Variants in MYT1L observed in about 807,000 individuals in gnomAD.
MYT1L encodes myelin transcription factor 1-like protein.
In MYT1L, 12 loss-of-function variants were observed where a neutral mutation model predicts 126.7. The ratio of observed to expected loss-of-function variants is 0.09; its 90% CI spans 0.06 to 0.15. MYT1L has a LOEUF of 0.15. Among genes scored for constraint, MYT1L ranks in the 10% least tolerant of loss-of-function variants. MYT1L has a pLI of 1.00. For synonymous variants in MYT1L, 541 were observed against 604.2 expected (o/e 0.90, Z 1.53); for missense variants, 979 against 1,585.2 (o/e 0.62, Z 6.49).
intron 13 of MYT1L, among the ~76,000 whole-genome samples, chr2:1,904,688 CG>C: frequency 6.6e-6 from 1 of 151,810 alleles, no homozygotes; most frequent in Non-Finnish European, 1.5e-5. Flanking sequence ...CACTGTTAAT[CG>C]TAACATCCTA....
chr2:2,275,648 C>T (rs1233177851), intron 2 of MYT1L, among the ~76,000 whole-genome samples: 1 of 152,176 alleles, frequency 6.6e-6, no homozygotes, highest in Non-Finnish European at 1.5e-5. Context: ...TTCTCTACCT[C>T]GTCCATGGAA....
intron 2 of MYT1L, among the ~76,000 whole-genome samples, chr2:2,260,680 T>C (rs2094941989): frequency 6.6e-6 from 1 of 152,168 alleles, no homozygotes; most frequent in Non-Finnish European, 1.5e-5. Context: ...TATATTATAC[T>C]GAGACTCTGC....
intron 18 of MYT1L, among the ~76,000 whole-genome samples, chr2:1,877,425 A>G (rs755635481): frequency 6.6e-6 from 1 of 152,056 alleles, no homozygotes; most frequent in Non-Finnish European, 1.5e-5. Context: ...TTCTTTCTCA[A>G]TTTTTTGAGC....
intron 1 of MYT1L, chr2:2,324,681 C>A (rs2096222620): frequency 6.5e-6 from 1 of 152,732 alleles, no homozygotes; most frequent in Non-Finnish European, 1.5e-5. Context: ...GCTGCGAGTC[C>A]CGCCTGTGCT....
chr2:2,193,348 ACAC>A (rs2092675462), intron 2 of MYT1L, among the ~76,000 whole-genome samples: 1 of 152,104 alleles, frequency 6.6e-6, no homozygotes, highest in Non-Finnish European at 1.5e-5. Context: ...AATGAAAACA[ACAC>A]TTTTGTCAAA....
At chr2:2,161,149 G>A (rs1426464962) in intron 3 of MYT1L, among the ~76,000 whole-genome samples, 7 of 152,098 alleles carry the variant, frequency 4.6e-5, no homozygotes, top group Non-Finnish European at 1.0e-4. Context: ...GGAGGCAGAG[G>A]TTGCAGTGAG....
At chr2:1,936,203 G>A (rs144414105) in intron 9 of MYT1L, among the ~76,000 whole-genome samples, 62 of 152,230 alleles carry the variant, frequency 4.1e-4, no homozygotes, top group African/African-American at 1.1e-3. Flanking sequence ...GATTACAGGC[G>A]TGAGCCACCA....
chr2:2,103,942 T>G (rs2078426252), intron 3 of MYT1L, among the ~76,000 whole-genome samples: 1 of 152,208 alleles, frequency 6.6e-6, no homozygotes, highest in Non-Finnish European at 1.5e-5. Flanking sequence ...CTCAGCCCTC[T>G]CAGGAGCTGA....
intron 3 of MYT1L, among the ~76,000 whole-genome samples, chr2:2,078,860 T>C (rs2075506154): frequency 6.6e-6 from 1 of 152,220 alleles, no homozygotes; most frequent in Admixed American, 6.5e-5. Flanking sequence ...AATTCTATGA[T>C]TTAAACGTTT....
In MYT1L at chr2:2,094,073, A is replaced by G. The variant is rs574981075; in HGVS notation, c.-303-39950T>C. ...ATATCTCTATTTCAGTACTAGTACC[A>G]TACTGTTTTGGTTACTGTAGCCTTG... On this transcript the variant is annotated intron_variant, in intron 3 of 24. Transcript: ENST00000647738. Among the ~76,000 whole-genome samples, 5 of 152,308 alleles carry G rather than the reference A, an allele frequency of 3.3e-5. No individual in the cohort carries two copies. The East Asian group carries it at 9.7e-4, about 29-fold the overall frequency.
intron 4 of MYT1L, among the ~76,000 whole-genome samples, chr2:2,032,197 C>T (rs1460972368): frequency 4.0e-5 from 3 of 75,634 alleles, no homozygotes; most frequent in Non-Finnish European, 4.9e-5. Context: ...TGGCCCAGAG[C>T]AGATTCTAGA....
At chr2:2,252,982 T>G (rs1349572366) in intron 2 of MYT1L, among the ~76,000 whole-genome samples, 2 of 152,060 alleles carry the variant, frequency 1.3e-5, no homozygotes, top group African/African-American at 4.8e-5. Flanking sequence ...TTTAAAAAAA[T>G]AAACCAAATT....
At chr2:1,897,424 C>T (rs373188085) in intron 14 of MYT1L, among the ~76,000 whole-genome samples, 15 of 151,672 alleles carry the variant, frequency 9.9e-5, no homozygotes, top group African/African-American at 3.2e-4. Context: ...ACAGAATGCA[C>T]TTTCTTTTTC....
chr2:2,089,209 G>A (rs1300480490), intron 3 of MYT1L, among the ~76,000 whole-genome samples: 5 of 152,156 alleles, frequency 3.3e-5, no homozygotes, highest in African/African-American at 9.7e-5. Context: ...GCAATTTTGG[G>A]GGATCTATTT....
intron 1 of MYT1L, among the ~76,000 whole-genome samples, chr2:2,321,586 C>A (rs1371635735): frequency 2.6e-5 from 4 of 152,016 alleles, no homozygotes; most frequent in African/African-American, 9.7e-5. Context: ...TTTGAAAAAC[C>A]ATTCTGTTGA....
chr2:2,010,673 A>C (rs575843798), intron 4 of MYT1L, among the ~76,000 whole-genome samples: 1 of 152,264 alleles, frequency 6.6e-6, no homozygotes, highest in East Asian at 1.9e-4. Context: ...TCTTCTATGC[A>C]ATGGCTTTGT....
intron 2 of MYT1L, among the ~76,000 whole-genome samples, chr2:2,242,881 G>A (rs910781112): frequency 2.6e-5 from 4 of 152,148 alleles, no homozygotes; most frequent in Non-Finnish European, 5.9e-5. Context: ...CAAACAAGAT[G>A]GAAACAAGAC....
intron 18 of MYT1L, among the ~76,000 whole-genome samples, chr2:1,873,755 AAAAC>A (rs2046534332): frequency 1.3e-5 from 2 of 152,206 alleles, no homozygotes; most frequent in South Asian, 2.1e-4. Flanking sequence ...GATTTAACAT[AAAAC>A]AAACAAAGGA....
intron 18 of MYT1L, among the ~76,000 whole-genome samples, chr2:1,868,966 GC>G (rs1239256839): frequency 1.3e-5 from 2 of 152,218 alleles, no homozygotes; most frequent in Non-Finnish European, 2.9e-5. Flanking sequence ...CCAGCCCTCA[GC>G]AGAGATAAGG....
Sources: allele counts gnomAD v4.1 joint callset (sites outside exome capture counted in the v4.1 genomes callset), GRCh38; gene constraint gnomAD v4.1.1; transcripts MANE v1.5; gene names NCBI Gene and HGNC (gene_info 2026-07-23, HGNC 2026-07-21).